The following MAN2A2 variants were observed in gnomAD, a reference collection of about 807,000 sequenced individuals.
MAN2A2 encodes the protein alpha-mannosidase 2x.
A neutral mutation model predicts 126.8 loss-of-function variants in MAN2A2; 79 were observed. The ratio of observed to expected loss-of-function variants is 0.62; its 90% CI spans 0.52 to 0.75. MAN2A2 has a LOEUF of 0.75. Ranked by LOEUF, MAN2A2 falls within the 30% of genes least tolerant of loss-of-function variation. The pLI is 0.00. For synonymous variants in MAN2A2, 671 were observed against 618.7 expected, an observed-to-expected ratio of 1.08 and a Z score of -1.25; for missense variants, 1,392 against 1,522.4, an observed-to-expected ratio of 0.91 and a Z score of 1.43.
Position 90,907,293 on chromosome 15 carries a change from G to A in MAN2A2, c.1010-16G>A, listed in dbSNP as rs1366684377. 1.9e-6 allele frequency: 3 copies of A among 1,609,348 alleles called. No individual in the cohort carries two copies. Among genetic ancestry groups the A allele is most frequent in the African/African-American group, 2.7e-5 (2 of 74,878 alleles). The stretch of plus-strand genomic sequence containing the variant: ...GGCTGCCTGCTGGTGGTGACCACGT[G>A]GTGTGTCTCCTGCAGACTCGGACTC... On this transcript the variant is annotated splice_polypyrimidine_tract_variant and intron_variant, in intron 7 of 22. Transcript: ENST00000559717.
chr15:90,911,354 C>G, intron 13 of MAN2A2, 31 bp from the exon 14 acceptor site: 1 of 1,613,540 alleles, frequency 6.2e-7, no homozygotes, highest in Non-Finnish European at 8.5e-7. Flanking sequence ...GAAGCAGCAG[C>G]CTCCTGGGTC....
Position 90,912,131 on chromosome 15 carries a change from C to G in MAN2A2, c.2198C>G (p.Ser733Cys), listed in dbSNP as rs1006575475. Residue 733 changes from serine to cysteine, a missense_variant, in exon 15 of 23, where the codon TCT (serine) becomes TGT (cysteine). Physicochemically the swap from Ser to Cys is moderately radical, Grantham distance 112. Transcript: ENST00000559717. ...GATGGGCACCGCACGCTGCCCTCCT[C>G]TGTGCGCATCTACCTGCACGGCCGG... The part of the protein sequence containing the change: ...GLDGHRTLPS[S>C]VRIYLHGRQL... 41 of 1,613,858 alleles carry G rather than the reference C, an allele frequency of 2.5e-5. No individual in the cohort carries two copies. The highest frequency in any genetic ancestry group is 3.5e-5 in the Non-Finnish European group (41 of 1,179,966).
chr15:90,915,379 T>G (rs2035090097), intron 19 of MAN2A2: 1 of 152,214 alleles, frequency 6.6e-6, no homozygotes, highest in African/African-American at 2.4e-5. Context: ...CCTCGAGATC[T>G]TGTACAAGAA....
In MAN2A2 at chr15:90,918,247, C is replaced by T. The variant is rs1340749277; in HGVS notation, c.3048C>T (p.Ser1016=). 1.2e-6 allele frequency: 2 copies of T among 1,614,198 alleles called. No individual in the cohort carries two copies. Among genetic ancestry groups the T allele is most frequent in the East Asian group, 4.5e-5 (2 of 44,872 alleles). The change falls in exon 21 of 23, where the codon TCC becomes TCT. Residue 1016 remains serine, a synonymous_variant. Coordinates refer to ENST00000559717, the MANE Select transcript of MAN2A2 (RefSeq NM_006122.4). The stretch of plus-strand genomic sequence containing the variant: ...CATCCCTCCTCAGCCACCTGACCTC[C>T]ATGTACCTGAACGCCCCGGCGCTCG... ...SYPSLLSHLT[S]MYLNAPALAL...
At position 90,911,375 on chromosome 15, in the gene MAN2A2, C is replaced by T; in HGVS notation, c.1944-10C>T. On this transcript the variant is annotated splice_polypyrimidine_tract_variant and intron_variant, in intron 13 of 22. Transcript: ENST00000559717. ...GCAGCCTCCTGGGTCAGCCCACCTT[C>T]TACGCACAGGTTTGTGGTCCTATTC... 6.2e-7 allele frequency: 1 copy of T among 1,614,152 alleles called. No homozygotes were observed. Among genetic ancestry groups the T allele is most frequent in the East Asian group, 2.2e-5 (1 of 44,884 alleles).
rs749638166 is a variant in MAN2A2, at chr15:90,913,434, C to T, written c.2718+28C>T. 8.2e-6 allele frequency: 13 copies of T among 1,578,936 alleles called. No individual in the cohort carries two copies. The East Asian group carries it at 1.6e-4, about 19-fold the overall frequency. On this transcript the variant is annotated intron_variant, in intron 18 of 22. Coordinates refer to ENST00000559717, the MANE Select transcript of MAN2A2 (RefSeq NM_006122.4). ...GACTCCTGGGCCTGGGTCTCGGAGA[C>T]CCCACAGAGTAGAACTTGGACTCTG...
chr15:90,907,167 C>A, intron 7 of MAN2A2, 142 bp from the exon 8 acceptor site: 1 of 913,938 alleles, frequency 1.1e-6, no homozygotes. Context: ...GTCTTTCTCC[C>A]TGGCCTACAC....
At chr15:90,906,652 C>G in intron 6 of MAN2A2, 88 bp from the exon 7 acceptor site, 6 of 1,573,388 alleles carry the variant, frequency 3.8e-6, no homozygotes, top group East Asian at 2.3e-5. Flanking sequence ...ACTACCAGGA[C>G]AAGAGCTGGG....
rs1362769963 is a variant in MAN2A2 at position 90,916,392 on chromosome 15, G to C, written c.2994+136G>C. 3 of 1,265,020 alleles carry C rather than the reference G, an allele frequency of 2.4e-6. No individual in the cohort carries two copies. The African/African-American group carries it at 4.5e-5, about 19-fold the overall frequency. The allele number at this position is 1,265,020 out of a possible 1,614,324, so 78.4% of individuals were successfully genotyped here. A position where few individuals can be genotyped will look rare whatever the true frequency, so the allele number is the denominator to read the frequency against. On this transcript the variant is annotated intron_variant, in intron 20 of 22. Transcript: ENST00000559717. ...AGAGTAGGGCTGAATTCCTGGGGTG[G>C]GGGGAGGCAGTCTGGCGTTTTGTGT...
chr15:90,920,271 G>A lies in MAN2A2; in HGVS notation c.*484G>A, dbSNP rs1250266977. ...GATGAGCAGGATCAGAGTGACTCTG[G>A]GAGGACAGGGGTGGGGACCCAGAGT... On this transcript the variant is annotated 3_prime_UTR_variant, in exon 23 of 23. Transcript: ENST00000559717. 6.4e-6 allele frequency: 1 copy of A among 155,672 alleles called. No individual in the cohort carries two copies. Among genetic ancestry groups the A allele is most frequent in the East Asian group, 1.9e-4 (1 of 5,292 alleles). 9.6% of individuals were successfully genotyped at this position (155,672 alleles called of 1,614,324 possible). A position where few individuals can be genotyped will look rare whatever the true frequency, so the allele number is the denominator to read the frequency against.
chr15:90,912,530 G>A lies in MAN2A2; in HGVS notation c.2347-12G>A, dbSNP rs767613315. On this transcript the variant is annotated splice_polypyrimidine_tract_variant and intron_variant, in intron 15 of 22. Coordinates refer to ENST00000559717, the MANE Select transcript of MAN2A2 (RefSeq NM_006122.4). ...GTGTGGGGCCAGGGGTCAGGGCTGT[G>A]TTTTTTGGCAGAGCATCCGAAGGGT... The A allele has an allele frequency of 1.2e-6, 2 of 1,612,896 alleles. No individual in the cohort carries two copies. The highest frequency in any genetic ancestry group is 2.2e-5 in the South Asian group (2 of 90,954).
At position 90,916,390 on chromosome 15, in the gene MAN2A2, T is replaced by TG. The variant is rs1486270186; in HGVS notation, c.2994+140dup. On this transcript the variant is annotated intron_variant, in intron 20 of 22. Coordinates refer to ENST00000559717, the MANE Select transcript of MAN2A2 (RefSeq NM_006122.4). ...AGAGAGTAGGGCTGAATTCCTGGGG[T>TG]GGGGGGAGGCAGTCTGGCGTTTTGT... 6 of 1,253,348 alleles carry TG rather than the reference T, an allele frequency of 4.8e-6. No homozygotes were observed. In the African/African-American group the frequency reaches 7.5e-5, roughly 16 times the overall value. The allele number at this position is 1,253,348 out of a possible 1,614,324, so 77.6% of individuals were successfully genotyped here. A position where few individuals can be genotyped will look rare whatever the true frequency, so the allele number is the denominator to read the frequency against.
intron 6 of MAN2A2, 59 bp from the exon 7 acceptor site, chr15:90,906,681 C>G: frequency 6.3e-7 from 1 of 1,590,754 alleles, no homozygotes; most frequent in Non-Finnish European, 8.5e-7. Flanking sequence ...ACCTGGAAGG[C>G]CGGGGGGCCA....
At chr15:90,909,956 A>G in intron 9 of MAN2A2, 134 bp from the exon 10 acceptor site, 1 of 755,466 alleles carries the variant, frequency 1.3e-6, no homozygotes, top group Non-Finnish European at 2.1e-6. Context: ...ACTTCTGTTA[A>G]GTCTAGAATG....
chr15:90,912,518 G>T, intron 15 of MAN2A2, 24 bp from the exon 16 acceptor site: 1 of 1,611,270 alleles, frequency 6.2e-7, no homozygotes, highest in Non-Finnish European at 8.5e-7. Context: ...TGGGGCCAGG[G>T]GTCAGGGCTG....
intron 19 of MAN2A2, among the ~76,000 whole-genome samples, chr15:90,915,031 C>T (rs899684101): frequency 1.3e-5 from 2 of 152,222 alleles, no homozygotes; most frequent in African/African-American, 4.8e-5. Flanking sequence ...CAAGGCTAGG[C>T]GTGGCCCAAT....
intron 8 of MAN2A2, 168 bp downstream of exon 8, chr15:90,907,663 C>T: frequency 1.6e-6 from 1 of 633,790 alleles, no homozygotes; most frequent in African/African-American, 1.8e-5. Flanking sequence ...CTTGCAACCA[C>T]CTTTCACAGA....
In MAN2A2 at chr15:90,907,509, G is replaced by A. The variant is rs1430618364; in HGVS notation, c.1196+14G>A. ...CGTGGCAGAGAGGTATCTGCTTCCA[G>A]CCCTTTCACTTCACAGAGGAATCGG... On this transcript the variant is annotated intron_variant, in intron 8 of 22. Coordinates refer to ENST00000559717, the MANE Select transcript of MAN2A2 (RefSeq NM_006122.4). The A allele has an allele frequency of 6.2e-7, 1 of 1,604,284 alleles. No homozygotes were observed. Among genetic ancestry groups the A allele is most frequent in the African/African-American group, 1.3e-5 (1 of 74,872 alleles).
Position 90,904,205 on chromosome 15 carries a change from A to G in MAN2A2, c.-3A>G, listed in dbSNP as rs2034063364. On this transcript the variant is annotated 5_prime_UTR_variant, in exon 2 of 23. Transcript: ENST00000559717. ...TTCCTGCCAGGTGTGTGTGGAGGCC[A>G]GTATGAAGCTGAAAAAGCAGGTGAC... is the stretch of plus-strand genomic sequence containing the variant. The G allele has an allele frequency of 6.2e-7, 1 of 1,614,074 alleles. No homozygotes were observed. Among genetic ancestry groups the G allele is most frequent in the African/African-American group, 1.3e-5 (1 of 74,928 alleles).
Sources: gnomAD v4.1 joint callset for allele counts (sites outside exome capture counted in the v4.1 genomes callset) on GRCh38, gnomAD v4.1.1 for gene constraint, MANE v1.5 for transcripts, NCBI Gene and HGNC (gene_info 2026-07-23, HGNC 2026-07-21) for gene names.